The following CDH6 variants were observed in gnomAD, a reference collection of about 807,000 sequenced individuals.
CDH6 encodes cadherin-6.
Under a neutral mutation model 78.0 loss-of-function variants are expected in CDH6, and 31 were observed. That is an observed-to-expected ratio of 0.40 (90% confidence interval 0.30 to 0.54). The LOEUF (loss-of-function observed/expected upper bound fraction) is 0.54, where lower values mean the gene tolerates loss of function less well. CDH6 is among the 20% of genes least tolerant of loss of function. The probability of loss-of-function intolerance (pLI) is 0.56; values close to 1 mark genes in which losing one functional copy is unlikely to be tolerated. For missense variants in CDH6, 724 were observed against 975.9 expected (o/e 0.74, Z 3.44); for synonymous variants, 376 against 368.8 (o/e 1.02, Z -0.23).
At chr5:31,286,965 G>A (rs1335042323) in intron 2 of CDH6, among the ~76,000 whole-genome samples, 1 of 152,122 alleles carries the variant, frequency 6.6e-6, no homozygotes, top group East Asian at 1.9e-4. Context: ...ATGACTCCCT[G>A]GTGGCTTTTA....
intron 2 of CDH6, among the ~76,000 whole-genome samples, chr5:31,283,233 A>C (rs1742910291): frequency 6.6e-6 from 1 of 152,192 alleles, no homozygotes; most frequent in East Asian, 1.9e-4. Flanking sequence ...CTAGCCCAAA[A>C]TGCCAATAGA....
chr5:31,297,459 C>T (rs373215735), intron 4 of CDH6, 51 bp downstream of exon 4: 4 of 1,333,164 alleles, frequency 3.0e-6, no homozygotes, highest in Non-Finnish European at 4.2e-6. Context: ...AATTGACATG[C>T]TCAGCTGAGC....
Position 31,325,478 on chromosome 5 carries a change from G to A in CDH6, c.*2170G>A. 4.3e-6 allele frequency: 1 copy of A among 231,160 alleles called. No individual in the cohort carries two copies. Among genetic ancestry groups the A allele is most frequent in the East Asian group, 6.1e-5 (1 of 16,276 alleles). The allele number at this position is 231,160 out of a possible 1,614,324, so 14.3% of individuals were successfully genotyped here. ...GCTACTTACTCATAGCAATAGAACA[G>A]CACCTTAATCACACGATTTACTGTA... On this transcript the variant is annotated 3_prime_UTR_variant, in exon 12 of 12. Transcript: ENST00000265071.
intron 11 of CDH6, among the ~76,000 whole-genome samples, chr5:31,320,762 G>GAGGT (rs1286517225): frequency 6.6e-6 from 1 of 152,104 alleles, no homozygotes; most frequent in African/African-American, 2.4e-5. Context: ...TGGATCACTT[G>GAGGT]AGGTCAGGAG....
intron 1 of CDH6, among the ~76,000 whole-genome samples, chr5:31,259,606 G>A (rs1228104737): frequency 6.6e-6 from 1 of 152,192 alleles, no homozygotes; most frequent in Non-Finnish European, 1.5e-5. Flanking sequence ...ATGAAACCCA[G>A]TCTTTCCTAC....
chr5:31,269,283 C>CG (rs774674205), intron 2 of CDH6, among the ~76,000 whole-genome samples: 947 of 89,618 alleles, frequency 0.011, 7 homozygotes, highest in African/African-American at 0.032. Flanking sequence ...AAAAAAAAAG[C>CG]GGGGGGGGCA....
At chr5:31,217,926 A>G (rs1328588830) in intron 1 of CDH6, among the ~76,000 whole-genome samples, 1 of 152,214 alleles carries the variant, frequency 6.6e-6, no homozygotes, top group Non-Finnish European at 1.5e-5. Flanking sequence ...ACTGTAAAAG[A>G]TACAGTTAAA....
intron 2 of CDH6, among the ~76,000 whole-genome samples, chr5:31,283,418 G>A (rs1742917804): frequency 6.6e-6 from 1 of 152,122 alleles, no homozygotes; most frequent in Non-Finnish European, 1.5e-5. Flanking sequence ...TATTCATCGT[G>A]CCATGCTGAG....
At chr5:31,209,858 G>A (rs1740642983) in intron 1 of CDH6, among the ~76,000 whole-genome samples, 1 of 152,084 alleles carries the variant, frequency 6.6e-6, no homozygotes, top group Non-Finnish European at 1.5e-5. Context: ...GAAGATGGTT[G>A]CTGGTGGCAA....
intron 2 of CDH6, among the ~76,000 whole-genome samples, chr5:31,293,092 T>G (rs1737455824): frequency 6.6e-6 from 1 of 152,026 alleles, no homozygotes; most frequent in South Asian, 2.1e-4. Flanking sequence ...ATTCATTTAA[T>G]TCCAACTTTT....
chr5:31,224,992 ACCT>A (rs1366221399), intron 1 of CDH6, among the ~76,000 whole-genome samples: 1 of 152,238 alleles, frequency 6.6e-6, no homozygotes, highest in Non-Finnish European at 1.5e-5. Context: ...ATTTGGCAAT[ACCT>A]GGAGGCATCT....
intron 6 of CDH6, among the ~76,000 whole-genome samples, chr5:31,303,942 T>G (rs1439440436): frequency 2.0e-5 from 3 of 152,214 alleles, no homozygotes; most frequent in African/African-American, 7.2e-5. Flanking sequence ...CCTAGACGAC[T>G]AAATCACATT....
At chr5:31,244,775 A>G (rs1229738229) in intron 1 of CDH6, among the ~76,000 whole-genome samples, 1 of 152,204 alleles carries the variant, frequency 6.6e-6, no homozygotes, top group Admixed American at 6.5e-5. Flanking sequence ...GACCTAGGAA[A>G]GCAGCCCCAA....
At chr5:31,313,659 G>A (rs1006135309) in intron 8 of CDH6, among the ~76,000 whole-genome samples, 19 of 152,160 alleles carry the variant, frequency 1.2e-4, no homozygotes, top group African/African-American at 4.6e-4. Flanking sequence ...TGGAAGTTCT[G>A]TGGTTTGGAA....
chr5:31,196,169 T>A (rs890071967), intron 1 of CDH6, among the ~76,000 whole-genome samples: 1 of 152,194 alleles, frequency 6.6e-6, no homozygotes. Context: ...ACCACTTCCA[T>A]CAGCTTTGCA....
Position 31,294,331 on chromosome 5 carries a change from C to T in CDH6, c.523+75C>T. The T allele has an allele frequency of 8.3e-7, 1 of 1,210,266 alleles. No individual in the cohort carries two copies. Among genetic ancestry groups the T allele is most frequent in the Admixed American group, 2.0e-5 (1 of 50,180 alleles). The allele number at this position is 1,210,266 out of a possible 1,614,324, so 75.0% of individuals were successfully genotyped here. On this transcript the variant is annotated intron_variant, in intron 3 of 11. Coordinates refer to ENST00000265071, the MANE Select transcript of CDH6 (RefSeq NM_004932.4). The surrounding 1 kb of genome is among the most constrained non-coding windows in gnomAD (Gnocchi z 4.1). ...CACTGAGTAAGGAATCCCACGAGCT[C>T]AAAGTACTGAACTGCATGAATTTAG...
At chr5:31,215,271 C>T (rs1411086926) in intron 1 of CDH6, among the ~76,000 whole-genome samples, 1 of 152,036 alleles carries the variant, frequency 6.6e-6, no homozygotes, top group East Asian at 1.9e-4. Context: ...TACACTGGTC[C>T]CTGAAATAGT....
chr5:31,289,434 G>A (rs544991995), intron 2 of CDH6, among the ~76,000 whole-genome samples: 3 of 152,290 alleles, frequency 2.0e-5, no homozygotes, highest in East Asian at 3.9e-4. Flanking sequence ...ATAAACATAT[G>A]AATGCAGGTG....
chr5:31,218,375 G>C (rs575724695), intron 1 of CDH6, among the ~76,000 whole-genome samples: 4 of 152,110 alleles, frequency 2.6e-5, no homozygotes, highest in Non-Finnish European at 5.9e-5. Context: ...ACATGGGTAG[G>C]TAATTCCAAA....
Sources: allele counts gnomAD v4.1 joint callset (sites outside exome capture counted in the v4.1 genomes callset), GRCh38; gene constraint gnomAD v4.1.1; non-coding constraint Gnocchi (gnomAD v3.1); transcripts MANE v1.5; gene names NCBI Gene and HGNC (gene_info 2026-07-23, HGNC 2026-07-21).